BACH1: variants seen among roughly 807,000 people sequenced by gnomAD.
BACH1 encodes BTB domain and CNC homolog 1.
A neutral mutation model predicts 52.9 loss-of-function variants in BACH1; 35 were observed. The observed-to-expected ratio is 0.66, with a 90% confidence interval of 0.51 to 0.88. The LOEUF is 0.88. Among genes scored for constraint, BACH1 ranks in the 40% least tolerant of loss-of-function variants. BACH1 has a pLI of 0.00. For synonymous variants in BACH1, 321 were observed against 319.6 expected (o/e 1.00, Z -0.05); for missense variants, 808 against 872.6 (o/e 0.93, Z 0.93).
chr21:29,347,840 A>G (rs1357099861), downstream of BACH1, among the ~76,000 whole-genome samples: 4 of 152,342 alleles, frequency 2.6e-5, no homozygotes, highest in South Asian at 4.1e-4. Flanking sequence ...AGCATGTAGC[A>G]TATCAGATGT....
chr21:29,324,672 C>T (rs1287963287), intron 2 of BACH1, among the ~76,000 whole-genome samples: 1 of 150,922 alleles, frequency 6.6e-6, no homozygotes, highest in Non-Finnish European at 1.5e-5. Flanking sequence ...TTGCTGTAAA[C>T]ATTTGTGTAC....
intron 4 of BACH1, among the ~76,000 whole-genome samples, chr21:29,335,585 T>G (rs146136334): frequency 9.8e-5 from 15 of 152,334 alleles, no homozygotes; most frequent in African/African-American, 3.1e-4. Context: ...TCAGAAAAGT[T>G]AAATGAATGG....
rs2089136300 is a variant in BACH1 at position 29,343,297 on chromosome 21, T to G, written c.*464T>G. On this transcript the variant is annotated 3_prime_UTR_variant, in exon 5 of 5. Transcript: ENST00000286800. The stretch of plus-strand genomic sequence containing the variant: ...CCCAAGCAATGCTAATAGAGTTCTA[T>G]TCTTAGAAGCAGGGTGTCAGCTACT... 6.5e-6 allele frequency: 1 copy of G among 153,436 alleles called. No homozygotes were observed. The highest frequency in any genetic ancestry group is 1.5e-5 in the Non-Finnish European group (1 of 68,898). The allele number at this position is 153,436 out of a possible 1,614,324, so 9.5% of individuals were successfully genotyped here. A position where few individuals can be genotyped will look rare whatever the true frequency, so the allele number is the denominator to read the frequency against.
chr21:29,351,733 C>T (rs1490921046), intron 2 of BACH1: 3 of 534,666 alleles, frequency 5.6e-6, no homozygotes, highest in Non-Finnish European at 1.2e-5. Flanking sequence ...ACAGTAACAT[C>T]TGGGAGGGAA....
At chr21:29,305,868 G>A (rs1328725733) in intron 1 of BACH1, among the ~76,000 whole-genome samples, 1 of 152,154 alleles carries the variant, frequency 6.6e-6, no homozygotes, top group Non-Finnish European at 1.5e-5. Context: ...AAATGTTTAG[G>A]CTTTTATAAG....
chr21:29,332,257 CCTT>C (rs772670716), intron 4 of BACH1, among the ~76,000 whole-genome samples: 35 of 152,274 alleles, frequency 2.3e-4, no homozygotes, highest in Non-Finnish European at 3.8e-4. Context: ...TCTTAATTGA[CCTT>C]CTTCCTAATG....
rs1153281 is a variant in BACH1, at chr21:29,307,886, A to G, written c.-61+8933A>G. Among the ~76,000 whole-genome samples, 901 of 152,306 alleles carry G rather than the reference A, an allele frequency of 5.9e-3. 3 individuals are homozygous for G. The highest frequency in any genetic ancestry group is 0.02 in the Middle Eastern group (6 of 294). On this transcript the variant is annotated intron_variant, in intron 1 of 4. Coordinates refer to ENST00000286800, the MANE Select transcript of BACH1 (RefSeq NM_001186.4). ...AAATAATGTAAATCCTAAACACTTGAGTGTTGTAAATTTACAAAATGAGAA... is the reference window on the plus strand; with the variant it reads ...AAATAATGTAAATCCTAAACACTTGGGTGTTGTAAATTTACAAAATGAGAA...
chr21:29,345,650 G>A lies in BACH1; in HGVS notation c.*2817G>A, dbSNP rs1315486819. On this transcript the variant is annotated 3_prime_UTR_variant, in exon 5 of 5. Coordinates refer to ENST00000286800, the MANE Select transcript of BACH1 (RefSeq NM_001186.4). ...TACTGCTTAACTAATTTTAAATAAG[G>A]AAATAAGTATGTTAGATGCAGTAGA... 3 of 152,478 alleles carry A rather than the reference G, an allele frequency of 2.0e-5. No homozygotes were observed. Among genetic ancestry groups the A allele is most frequent in the African/African-American group, 7.2e-5 (3 of 41,394 alleles). The allele number at this position is 152,478 out of a possible 1,614,324, so 9.4% of individuals were successfully genotyped here. A position where few individuals can be genotyped will look rare whatever the true frequency, so the allele number is the denominator to read the frequency against.
Position 29,344,182 on chromosome 21 carries a change from A to G in BACH1, c.*1349A>G, listed in dbSNP as rs1429457710. 1 of 152,402 alleles carries G rather than the reference A, an allele frequency of 6.6e-6. No homozygotes were observed. Among genetic ancestry groups the G allele is most frequent in the African/African-American group, 2.4e-5 (1 of 41,468 alleles). The allele number at this position is 152,402 out of a possible 1,614,324, so 9.4% of individuals were successfully genotyped here. ...TTCTCAGCAATTAAAAAAAATGCAT[A>G]TATTCACATTCACAGAAACATTGGC... On this transcript the variant is annotated 3_prime_UTR_variant, in exon 5 of 5. Coordinates refer to ENST00000286800, the MANE Select transcript of BACH1 (RefSeq NM_001186.4).
rs774116353 is a variant in BACH1 at position 29,326,403 on chromosome 21, A to G, written c.579A>G (p.Ala193=). ...QCKLRRYQGN[A]KASPPLQDSA... is the part of the protein sequence containing the mutation. ...AACTCCGCAGGTATCAAGGAAATGC[A>G]AAAGCCTCACCTCCTCTACAAGACA... The change falls in exon 3 of 5, where the codon GCA becomes GCG. Residue 193 remains alanine, a synonymous_variant. Coordinates refer to ENST00000286800, the MANE Select transcript of BACH1 (RefSeq NM_001186.4). 6.2e-7 allele frequency: 1 copy of G among 1,614,226 alleles called. No individual in the cohort carries two copies. Among genetic ancestry groups the G allele is most frequent in the South Asian group, 1.1e-5 (1 of 91,084 alleles).
At position 29,327,207 on chromosome 21, in the gene BACH1, C is replaced by T. The variant is rs778144906; in HGVS notation, c.1383C>T (p.Cys461=). The T allele has an allele frequency of 3.1e-6, 5 of 1,614,152 alleles. No individual in the cohort carries two copies. The South Asian group carries it at 5.5e-5, about 18-fold the overall frequency. The change falls in exon 3 of 5, where the codon TGC becomes TGT. Residue 461 remains cysteine, a synonymous_variant. Coordinates refer to ENST00000286800, the MANE Select transcript of BACH1 (RefSeq NM_001186.4). The part of the protein sequence containing the change: ...RTFTTLSSVN[C]PFISTLSTEG... ...TCACAACATTAAGTTCTGTCAACTG[C>T]CCTTTTATAAGTACTCTGAGTACTG...
At chr21:29,336,203 A>G (rs554736346) in intron 4 of BACH1, among the ~76,000 whole-genome samples, 200 of 152,220 alleles carry the variant, frequency 1.3e-3, no homozygotes, top group African/African-American at 4.6e-3. Flanking sequence ...TCCAGGCTGG[A>G]TTTCTCATAA....
In BACH1 at chr21:29,326,813, A is replaced by C. The variant is rs770456058; in HGVS notation, c.989A>C (p.Asp330Ala). ...LYSLSLLHTY[D>A]QYGDLNFAGM... is the part of the protein sequence containing the mutation. ...TCTTTGTCTCTTTTACACACATATG[A>C]CCAATATGGTGACTTGAATTTTGCT... Residue 330 changes from aspartate (D) to alanine (A), a missense_variant, in exon 3 of 5, where the codon GAC becomes GCC. Coordinates refer to ENST00000286800, the MANE Select transcript of BACH1 (RefSeq NM_001186.4). 1 of 1,614,048 alleles carries C rather than the reference A, an allele frequency of 6.2e-7. No homozygotes were observed. The highest frequency in any genetic ancestry group is 1.3e-5 in the African/African-American group (1 of 74,924).
At chr21:29,341,086 G>T (rs2089107363) in intron 4 of BACH1, among the ~76,000 whole-genome samples, 1 of 151,752 alleles carries the variant, frequency 6.6e-6, no homozygotes, top group Non-Finnish European at 1.5e-5. Flanking sequence ...ATATTACAAG[G>T]CTTTAAAATA....
chr21:29,316,999 G>A (rs1011268176), intron 1 of BACH1, among the ~76,000 whole-genome samples: 12 of 152,218 alleles, frequency 7.9e-5, no homozygotes, highest in African/African-American at 2.7e-4. Context: ...CAACCTCCGG[G>A]TTGCACAGCA....
At chr21:29,336,379 A>G (rs1254619497) in intron 4 of BACH1, among the ~76,000 whole-genome samples, 1 of 152,160 alleles carries the variant, frequency 6.6e-6, no homozygotes, top group Non-Finnish European at 1.5e-5. Context: ...CAGGAGGTCC[A>G]GTGTCAGTAT....
chr21:29,356,127 T>G (rs967846524), intron 2 of BACH1, among the ~76,000 whole-genome samples: 1 of 152,210 alleles, frequency 6.6e-6, no homozygotes, highest in African/African-American at 2.4e-5. Context: ...TACTGGCTAT[T>G]CCGGTTCCTG....
intron 2 of BACH1, among the ~76,000 whole-genome samples, chr21:29,357,763 A>G (rs2089243673): frequency 6.6e-6 from 1 of 152,214 alleles, no homozygotes; most frequent in Non-Finnish European, 1.5e-5. Context: ...TCTGTGATGC[A>G]TAAAGAAAAG....
At chr21:29,338,536 G>A (rs1601365675) in intron 4 of BACH1, among the ~76,000 whole-genome samples, 1 of 151,922 alleles carries the variant, frequency 6.6e-6, no homozygotes, top group African/African-American at 2.4e-5. Flanking sequence ...CACCATGCCC[G>A]GGTAATTTTT....
Sources: gnomAD v4.1 joint callset for allele counts (sites outside exome capture counted in the v4.1 genomes callset) on GRCh38, gnomAD v4.1.1 for gene constraint, MANE v1.5 for transcripts, NCBI Gene and HGNC (gene_info 2026-07-23, HGNC 2026-07-21) for gene names.